Variants in GEN1 observed in about 807,000 individuals in gnomAD.
GEN1 encodes flap endonuclease GEN homolog 1.
Under a neutral mutation model 67.6 loss-of-function variants are expected in GEN1, and 64 were observed. The observed-to-expected ratio is 0.95, with a 90% CI of 0.77 to 1.17. The LOEUF is 1.17. Ranked by LOEUF, GEN1 falls within the 50% of genes most tolerant of loss-of-function variation. GEN1 has a pLI of 0.00. For synonymous variants in GEN1, 371 were observed against 359.4 expected, an observed-to-expected ratio of 1.03 and a Z score of -0.37; for missense variants, 1,058 against 1,048.3, an observed-to-expected ratio of 1.01 and a Z score of -0.13.
intron 5 of GEN1, among the ~76,000 whole-genome samples, chr2:17,768,367 C>T (rs1169526360): frequency 6.6e-6 from 1 of 151,986 alleles, no homozygotes; most frequent in Non-Finnish European, 1.5e-5. Context: ...TTGCTTTTTC[C>T]TGATTACAAA....
chr2:17,774,896 G>A (rs1672356735), intron 11 of GEN1, among the ~76,000 whole-genome samples: 1 of 152,044 alleles, frequency 6.6e-6, no homozygotes, highest in Non-Finnish European at 1.5e-5. Context: ...AGAGGCTGGG[G>A]TAGATAATAA....
Position 17,786,134 on chromosome 2 carries a change from G to T in GEN1, c.*4195G>T, listed in dbSNP as rs541494695. On this transcript the variant is annotated 3_prime_UTR_variant, in exon 14 of 14. Coordinates refer to ENST00000381254, the MANE Select transcript of GEN1 (RefSeq NM_001130009.3). The stretch of plus-strand genomic sequence containing the variant: ...CATTGTGCTGGGCCCTGGAGATACA[G>T]TGATCAATGGCATCCTATAAGGTTT... 6.6e-6 allele frequency: 1 copy of T among 152,306 alleles called. No individual in the cohort carries two copies. Among genetic ancestry groups the T allele is most frequent in the South Asian group, 2.1e-4 (1 of 4,828 alleles). 9.4% of individuals were successfully genotyped at this position (152,306 alleles called of 1,614,324 possible). A position where few individuals can be genotyped will look rare whatever the true frequency, so the allele number is the denominator to read the frequency against.
At chr2:17,771,323 T>G in intron 7 of GEN1, 36 bp downstream of exon 7, 3 of 1,168,398 alleles carry the variant, frequency 2.6e-6, no homozygotes, top group Non-Finnish European at 3.9e-6. Flanking sequence ...TAGTATCTCA[T>G]ACCCATGTTT....
intron 12 of GEN1, among the ~76,000 whole-genome samples, chr2:17,778,336 GTATACACACACA>G (rs1558409456): frequency 0.021 from 608 of 28,714 alleles, 136 homozygotes; most frequent in Middle Eastern, 0.043. Flanking sequence ...GTACATATAT[GTATACACACACA>G]TGTGTGTACA....
chr2:17,756,035 T>C (rs1348169072), intron 1 of GEN1, among the ~76,000 whole-genome samples: 1 of 151,670 alleles, frequency 6.6e-6, no homozygotes, highest in Admixed American at 6.6e-5. Context: ...AATAGAGTGA[T>C]TTTTTTTTAT....
intron 1 of GEN1, among the ~76,000 whole-genome samples, chr2:17,756,537 A>G (rs1168458198): frequency 6.6e-6 from 1 of 152,214 alleles, no homozygotes; most frequent in African/African-American, 2.4e-5. Flanking sequence ...CATAGTAAAA[A>G]AAACTAAAAA....
In GEN1 at chr2:17,781,367, C is replaced by A. The variant is rs780219575; in HGVS notation, c.2155C>A (p.Leu719Ile). Residue 719 changes from leucine (L) to isoleucine (I), a missense_variant, in exon 14 of 14, where the codon CTT (leucine) becomes ATT (isoleucine). Transcript: ENST00000381254. ...CAGTGGTTCTGATTGTACATCACAT[C>A]TTTCAAAGGATCTTCCAGGAATTCC... is the stretch of plus-strand genomic sequence containing the variant. ...ANSGSDCTSHLSKDLPGIPLQ... is the reference protein window; with the variant it reads ...ANSGSDCTSHISKDLPGIPLQ... The A allele has an allele frequency of 8.7e-6, 14 of 1,613,792 alleles. No homozygotes were observed. The highest frequency in any genetic ancestry group is 1.2e-5 in the Non-Finnish European group (14 of 1,179,896).
intron 4 of GEN1, 56 bp downstream of exon 4, chr2:17,765,129 G>A: frequency 1.3e-6 from 2 of 1,528,782 alleles, no homozygotes; most frequent in South Asian, 1.1e-5. Flanking sequence ...TTTTTTAAAG[G>A]GCTGATTAAA....
intron 1 of GEN1, among the ~76,000 whole-genome samples, chr2:17,756,652 C>T (rs1279833244): frequency 6.6e-6 from 1 of 152,022 alleles, no homozygotes; most frequent in African/African-American, 2.4e-5. Flanking sequence ...TCTCAAACTC[C>T]TGGCCTCAGG....
At chr2:17,762,134 AAG>A (rs1332125258) in intron 3 of GEN1, among the ~76,000 whole-genome samples, 9 of 151,176 alleles carry the variant, frequency 6.0e-5, no homozygotes, top group Non-Finnish European at 1.0e-4. Context: ...AAACTTAAGA[AAG>A]AAATCATCTA....
At chr2:17,755,197 C>A (rs1671360133) in intron 1 of GEN1, 1 of 152,216 alleles carries the variant, frequency 6.6e-6, no homozygotes, top group Non-Finnish European at 1.5e-5. Context: ...AAACATCTGG[C>A]CTTGTTGTAA....
In GEN1 at chr2:17,780,644, T is replaced by C. The variant is rs995886373; in HGVS notation, c.1432T>C (p.Leu478=). The C allele has an allele frequency of 1.3e-6, 2 of 1,584,246 alleles. No homozygotes were observed. Among genetic ancestry groups the C allele is most frequent in the African/African-American group, 2.7e-5 (2 of 73,572 alleles). ...AGGTATTAAGCCTAAAGAAAACAAT[T>C]TGCCAGAACCAGATGAAGTAATGAG... ...QKRIKPKENN[L]PEPDEVMSFQ... The change falls in exon 14 of 14, where the codon TTG becomes CTG. Residue 478 remains leucine, a synonymous_variant. Transcript: ENST00000381254.
chr2:17,767,839 G>C (rs973803596), intron 5 of GEN1, among the ~76,000 whole-genome samples: 1 of 152,112 alleles, frequency 6.6e-6, no homozygotes, highest in Non-Finnish European at 1.5e-5. Flanking sequence ...AACTTGATTT[G>C]CCTTCAAAAA....
At chr2:17,778,710 A>G (rs1252525228) in intron 12 of GEN1, among the ~76,000 whole-genome samples, 2 of 151,952 alleles carry the variant, frequency 1.3e-5, no homozygotes, top group South Asian at 2.1e-4. Context: ...TGGTCATTCA[A>G]TGTCATGTAT....
At chr2:17,768,387 A>C (rs1343751635) in intron 5 of GEN1, among the ~76,000 whole-genome samples, 1 of 152,254 alleles carries the variant, frequency 6.6e-6, no homozygotes, top group African/African-American at 2.4e-5. Flanking sequence ...ACATAAAGTT[A>C]GGTTAAATTA....
Position 17,771,184 on chromosome 2 carries a change from T to G in GEN1, c.711-12T>G. On this transcript the variant is annotated splice_polypyrimidine_tract_variant and intron_variant, in intron 6 of 13. Transcript: ENST00000381254. ...TTTTTTTCCTTTTTTTAAAAACCAC[T>G]TTCTATTAAAGGTTTAATCGGTGGA... is the stretch of plus-strand genomic sequence containing the variant. 1 of 1,576,496 alleles carries G rather than the reference T, an allele frequency of 6.3e-7. No homozygotes were observed. The highest frequency in any genetic ancestry group is 8.7e-7 in the Non-Finnish European group (1 of 1,146,268).
At chr2:17,762,447 T>G (rs1381598234) in intron 3 of GEN1, among the ~76,000 whole-genome samples, 1 of 152,094 alleles carries the variant, frequency 6.6e-6, no homozygotes, top group East Asian at 1.9e-4. Flanking sequence ...GACTTCGTGA[T>G]CCGCCTGCCT....
intron 12 of GEN1, among the ~76,000 whole-genome samples, chr2:17,778,289 CATGTGTGTGT>C (rs1672595309): frequency 6.6e-5 from 6 of 90,460 alleles, no homozygotes; most frequent in African/African-American, 3.5e-4. Context: ...TATACACACA[CATGTGTGTGT>C]ACATATATGT....
chr2:17,770,196 T>C (rs1290495901), intron 6 of GEN1, among the ~76,000 whole-genome samples: 1 of 152,238 alleles, frequency 6.6e-6, no homozygotes, highest in Non-Finnish European at 1.5e-5. Context: ...ACCATTCTTA[T>C]TGAAACAGTT....
Sources: allele counts gnomAD v4.1 joint callset (sites outside exome capture counted in the v4.1 genomes callset), GRCh38; gene constraint gnomAD v4.1.1; transcripts MANE v1.5; gene names NCBI Gene and HGNC (gene_info 2026-07-23, HGNC 2026-07-21).